The following NKAIN2 variants were observed in gnomAD, a reference collection of about 807,000 sequenced individuals.
NKAIN2 encodes the protein sodium/potassium-transporting ATPase subunit beta-1-interacting protein 2.
In NKAIN2, 14 loss-of-function variants were observed where a neutral mutation model predicts 32.6. The ratio of observed to expected loss-of-function variants is 0.43; its 90% confidence interval spans 0.28 to 0.67. The LOEUF is 0.67. Among genes scored for constraint, NKAIN2 ranks in the 30% least tolerant of loss-of-function variants. The pLI is 0.17. For missense variants in NKAIN2, 198 were observed against 258.3 expected (o/e 0.77, Z 1.60); for synonymous variants, 80 against 87.2 (o/e 0.92, Z 0.46).
intron 1 of NKAIN2, among the ~76,000 whole-genome samples, chr6:123,849,947 TG>T (rs1208035794): frequency 3.7e-5 from 2 of 54,476 alleles, no homozygotes; most frequent in East Asian, 1.2e-3. Context: ...TAACTCAGGC[TG>T]GTTTTTTTTT....
chr6:124,531,312 C>A (rs1779516557), intron 3 of NKAIN2, among the ~76,000 whole-genome samples: 1 of 152,070 alleles, frequency 6.6e-6, no homozygotes, highest in Non-Finnish European at 1.5e-5. Context: ...TTTGGTTAGA[C>A]CTTTTCTAAC....
chr6:124,798,118 A>C (rs561390655), intron 5 of NKAIN2, among the ~76,000 whole-genome samples: 9 of 149,930 alleles, frequency 6.0e-5, no homozygotes, highest in Middle Eastern at 3.4e-3. Context: ...ATCTAACTGC[A>C]TTCCTCCCAT....
At chr6:124,361,440 G>A (rs991045503) in intron 3 of NKAIN2, among the ~76,000 whole-genome samples, 25 of 152,092 alleles carry the variant, frequency 1.6e-4, no homozygotes, top group African/African-American at 4.3e-4. Context: ...CTTATAGAGC[G>A]TAAAGGATAA....
chr6:124,697,882 C>T (rs1474677139), intron 4 of NKAIN2, among the ~76,000 whole-genome samples: 1 of 152,058 alleles, frequency 6.6e-6, no homozygotes, highest in Non-Finnish European at 1.5e-5. Flanking sequence ...ACTTGAAATC[C>T]ATCTTGGTGG....
chr6:124,478,026 T>G (rs1274567436), intron 3 of NKAIN2, among the ~76,000 whole-genome samples: 1 of 151,768 alleles, frequency 6.6e-6, no homozygotes, highest in Non-Finnish European at 1.5e-5. Context: ...ACTTTTCCTT[T>G]GAAGCGACAA....
At chr6:123,993,784 A>G (rs1336874762) in intron 1 of NKAIN2, among the ~76,000 whole-genome samples, 1 of 152,200 alleles carries the variant, frequency 6.6e-6, no homozygotes, top group South Asian at 2.1e-4. Flanking sequence ...AGTTATACTG[A>G]TAACTGTCCA....
intron 1 of NKAIN2, among the ~76,000 whole-genome samples, chr6:124,216,546 GCTGT>G (rs1791486708): frequency 6.6e-6 from 1 of 152,010 alleles, no homozygotes; most frequent in Non-Finnish European, 1.5e-5. Context: ...GTGTCTTTTT[GCTGT>G]CTGTTTAGTG....
chr6:124,588,548 C>A (rs1252851139), intron 3 of NKAIN2, among the ~76,000 whole-genome samples: 1 of 151,988 alleles, frequency 6.6e-6, no homozygotes, highest in Non-Finnish European at 1.5e-5. Flanking sequence ...CTAAAATGAA[C>A]CTGTAGGAGA....
At chr6:124,733,987 C>G (rs1776811352) in intron 4 of NKAIN2, among the ~76,000 whole-genome samples, 1 of 150,940 alleles carries the variant, frequency 6.6e-6, no homozygotes, top group Non-Finnish European at 1.5e-5. Context: ...GGAAAAATAA[C>G]TCATTCTAGG....
intron 3 of NKAIN2, among the ~76,000 whole-genome samples, chr6:124,606,460 T>A (rs1782502284): frequency 6.6e-6 from 1 of 152,022 alleles, no homozygotes; most frequent in Admixed American, 6.6e-5. Context: ...GTATATATAT[T>A]TTTAAAATAC....
chr6:124,238,500 T>A (rs1279487901), intron 1 of NKAIN2, among the ~76,000 whole-genome samples: 1 of 151,814 alleles, frequency 6.6e-6, no homozygotes, highest in Non-Finnish European at 1.5e-5. Context: ...AAAAGGAGGT[T>A]TTTAAATATA....
chr6:124,484,688 T>C (rs931134187), intron 3 of NKAIN2, among the ~76,000 whole-genome samples: 7 of 152,204 alleles, frequency 4.6e-5, no homozygotes, highest in Non-Finnish European at 7.3e-5. Context: ...CACATTCATA[T>C]ATATGTGTGT....
chr6:124,511,320 A>G (rs1198093991), intron 3 of NKAIN2, among the ~76,000 whole-genome samples: 1 of 152,184 alleles, frequency 6.6e-6, no homozygotes, highest in Non-Finnish European at 1.5e-5. Flanking sequence ...TGATAAAAAC[A>G]TGATGAATTC....
At chr6:124,806,532 T>G in intron 5 of NKAIN2, among the ~76,000 whole-genome samples, 1 of 151,348 alleles carries the variant, frequency 6.6e-6, no homozygotes. Flanking sequence ...CACTGCAAAA[T>G]CATGCCAAAA....
chr6:124,095,348 A>G (rs1186271862), intron 1 of NKAIN2, among the ~76,000 whole-genome samples: 1 of 152,184 alleles, frequency 6.6e-6, no homozygotes, highest in Non-Finnish European at 1.5e-5. Context: ...AGTTGACCCC[A>G]AGTCCTAAAT....
chr6:124,330,250 C>T (rs1019128891), intron 2 of NKAIN2, among the ~76,000 whole-genome samples: 23 of 152,168 alleles, frequency 1.5e-4, no homozygotes, highest in African/African-American at 4.8e-4. Flanking sequence ...GTCTCTTTTC[C>T]TGGACAACTT....
intron 1 of NKAIN2, among the ~76,000 whole-genome samples, chr6:124,058,390 T>C (rs1438580379): frequency 6.6e-6 from 1 of 152,012 alleles, no homozygotes; most frequent in East Asian, 1.9e-4. Context: ...GAAAGTATAT[T>C]GTGAGATTAT....
chr6:124,100,644 A>G (rs1452495204), intron 1 of NKAIN2, among the ~76,000 whole-genome samples: 1 of 152,232 alleles, frequency 6.6e-6, no homozygotes, highest in Non-Finnish European at 1.5e-5. Flanking sequence ...CTACCTAAAA[A>G]CAAACATCTC....
rs181044779 is a variant in NKAIN2, at chr6:124,784,108, T to C, written c.475-7231T>C. 3.5e-3 allele frequency among the ~76,000 whole-genome samples: 539 copies of C among 152,304 alleles called. 4 individuals carry two copies. The highest frequency in any genetic ancestry group is 5.7e-3 in the Non-Finnish European group (389 of 68,022). ...TATATTTATAACTCATAAATTATAATATGAAGGTTTTTAAACATAAATAGA... is the reference window on the plus strand; with the variant it reads ...TATATTTATAACTCATAAATTATAACATGAAGGTTTTTAAACATAAATAGA... On this transcript the variant is annotated intron_variant, in intron 4 of 6. Coordinates refer to ENST00000368417, the MANE Select transcript of NKAIN2 (RefSeq NM_001040214.3).
Sources: gnomAD v4.1 joint callset for allele counts (sites outside exome capture counted in the v4.1 genomes callset) on GRCh38, gnomAD v4.1.1 for gene constraint, MANE v1.5 for transcripts, NCBI Gene and HGNC (gene_info 2026-07-23, HGNC 2026-07-21) for gene names.